XIAP: variants seen among roughly 807,000 people sequenced by gnomAD.
XIAP encodes the protein E3 ubiquitin-protein ligase XIAP.
In XIAP, 3 loss-of-function variants were observed where a neutral mutation model predicts 33.1. That is an observed-to-expected ratio of 0.09 (90% confidence interval 0.04 to 0.23). The LOEUF (loss-of-function observed/expected upper bound fraction) is 0.23, where lower values mean the gene tolerates loss of function less well. XIAP is among the 10% of genes least tolerant of loss of function. The pLI, the probability that XIAP is intolerant of heterozygous loss-of-function variation, is 1.00. For synonymous variants in XIAP, 98 were observed against 121.3 expected (o/e 0.81, Z 1.26); for missense variants, 264 against 363.0 (o/e 0.73, Z 2.22).
intron 5 of XIAP, among the ~76,000 whole-genome samples, chrX:123,898,455 G>A (rs925774703): frequency 1.9e-4 from 21 of 110,979 alleles, no homozygotes; most frequent in Non-Finnish European, 3.4e-4. Flanking sequence ...CTCCACCTCC[G>A]GGGGTCACGC....
At chrX:123,892,657 A>G (rs1433261709) in intron 4 of XIAP, 74 bp from the exon 5 acceptor site, 1 of 891,318 alleles carries the variant, frequency 1.1e-6, no homozygotes, top group Non-Finnish European at 1.6e-6. Flanking sequence ...TTTATGATTA[A>G]TTTCACTTTT....
At position 123,899,157 on chromosome X, in the gene XIAP, A is replaced by ATATATATGATTT. The variant is rs1556407708; in HGVS notation, c.1100-1329_1100-1328insGATTTTATATAT. On this transcript the variant is annotated intron_variant, in intron 5 of 6. Transcript: ENST00000371199. ...AAAAAAAAAAAAAATATATATATAT[A>ATATATATGATTT]TATATATATGATTTTATATATATAT... Among the ~76,000 whole-genome samples, 229 of 38,378 alleles carry ATATATATGATTT rather than the reference A, an allele frequency of 6.0e-3. 11 individuals are homozygous for ATATATATGATTT. The highest frequency in any genetic ancestry group is 0.015 in the Middle Eastern group (1 of 67). The allele number at this position is 38,378 out of a possible 115,157, so 33.3% of individuals were successfully genotyped here. A position where few individuals can be genotyped will look rare whatever the true frequency, so the allele number is the denominator to read the frequency against.
intron 5 of XIAP, among the ~76,000 whole-genome samples, chrX:123,893,373 A>T (rs1399009872): frequency 1.9e-5 from 2 of 106,629 alleles, no homozygotes; most frequent in African/African-American, 6.8e-5. Context: ...CAAAAAAAAA[A>T]TTAGCTGGAT....
In XIAP at chrX:123,863,698, G is replaced by A. The variant is rs1226396806; in HGVS notation, c.-33+3405G>A. The stretch of plus-strand genomic sequence containing the variant: ...TAATTTTGTATTTTCAGTGGAGACG[G>A]GGTTTCTCCATGTTGGTCAGGCTGG... On this transcript the variant is annotated intron_variant, in intron 1 of 6. Transcript: ENST00000371199. Among the ~76,000 whole-genome samples, 3 of 110,842 alleles carry A rather than the reference G, an allele frequency of 2.7e-5. No individual in the cohort carries two copies. In the Admixed American group the frequency reaches 2.9e-4, roughly 11 times the overall value.
chrX:123,866,553 T>C (rs932809759), intron 1 of XIAP, among the ~76,000 whole-genome samples: 4 of 93,793 alleles, frequency 4.3e-5, no homozygotes, highest in African/African-American at 1.2e-4. Context: ...TATATAATAA[T>C]GTATGATATA....
rs1286571828 is a variant in XIAP, at chrX:123,860,230, CG to C, written c.-93del. The stretch of plus-strand genomic sequence containing the variant: ...ATTGGGGCTCGGGCCGCGCCTCCTC[CG>C]GGACCCTCCCCTTGGACCGAGCCGA... On this transcript the variant is annotated 5_prime_UTR_variant, in exon 1 of 7. Coordinates refer to ENST00000371199, the MANE Select transcript of XIAP (RefSeq NM_001167.4). The C allele has an allele frequency of 1.5e-5, 5 of 328,772 alleles. No homozygotes were observed. The highest frequency in any genetic ancestry group is 2.9e-5 in the Non-Finnish European group (5 of 169,800). The allele number at this position is 328,772 out of a possible 1,213,427, so 27.1% of individuals were successfully genotyped here. A position where few individuals can be genotyped will look rare whatever the true frequency, so the allele number is the denominator to read the frequency against.
chrX:123,891,446 TAAATC>T, intron 4 of XIAP, 130 bp downstream of exon 4: 1 of 334,754 alleles, frequency 3.0e-6, no homozygotes, highest in South Asian at 7.9e-5. Context: ...TATAGTATTA[TAAATC>T]AATATATGTG....
At chrX:123,881,715 A>G (rs1404548698) in intron 1 of XIAP, among the ~76,000 whole-genome samples, 2 of 110,095 alleles carry the variant, frequency 1.8e-5, no homozygotes, top group Non-Finnish European at 3.8e-5. Flanking sequence ...CTTGAACTAC[A>G]CAAAATTGTG....
chrX:123,900,390 C>T lies in XIAP; in HGVS notation c.1100-103C>T, dbSNP rs895570911. ...TGGTTTGTTTTTATTCTTTCGCTTG[C>T]TCCTTAATTTTTTCATTTTAACTAT... On this transcript the variant is annotated intron_variant, in intron 5 of 6. Transcript: ENST00000371199. 4 of 734,951 alleles carry T rather than the reference C, an allele frequency of 5.4e-6. No homozygotes were observed. The African/African-American group carries it at 6.5e-5, about 12-fold the overall frequency. 60.6% of individuals were successfully genotyped at this position (734,951 alleles called of 1,213,427 possible). A position where few individuals can be genotyped will look rare whatever the true frequency, so the allele number is the denominator to read the frequency against.
At chrX:123,860,478 G>C in intron 1 of XIAP, 185 bp downstream of exon 1, 1 of 260,292 alleles carries the variant, frequency 3.8e-6, no homozygotes, top group Non-Finnish European at 7.3e-6. Context: ...GACTGCCGAC[G>C]GCAGGCGTGG....
chrX:123,899,761 A>T (rs1288936909), intron 5 of XIAP, among the ~76,000 whole-genome samples: 1 of 108,867 alleles, frequency 9.2e-6, no homozygotes, highest in Non-Finnish European at 1.9e-5. Flanking sequence ...AATATACCAC[A>T]ATTTATGTAT....
At chrX:123,890,729 G>T (rs2053400287) in intron 3 of XIAP, among the ~76,000 whole-genome samples, 2 of 108,667 alleles carry the variant, frequency 1.8e-5, no homozygotes, top group Non-Finnish European at 3.8e-5. Flanking sequence ...ATCACTTCAG[G>T]TGAGGAGTTT....
intron 1 of XIAP, among the ~76,000 whole-genome samples, chrX:123,862,189 C>T (rs1225618291): frequency 9.4e-6 from 1 of 106,694 alleles, no homozygotes; most frequent in African/African-American, 3.4e-5. Context: ...GCTACTCAGC[C>T]TCCCCAGTAG....
At chrX:123,891,603 G>A in intron 4 of XIAP, among the ~76,000 whole-genome samples, 1 of 110,824 alleles carries the variant, frequency 9.0e-6, no homozygotes. Context: ...GATTGCTTGA[G>A]CCCAGGAGTT....
chrX:123,910,991 T>C lies in XIAP; in HGVS notation c.*3810T>C, dbSNP rs1453159554. On this transcript the variant is annotated 3_prime_UTR_variant, in exon 7 of 7. Coordinates refer to ENST00000371199, the MANE Select transcript of XIAP (RefSeq NM_001167.4). Reference sequence around the variant, plus strand: ...ATCTGTGAAAGGAAAATAATACTTATCTTACAAGGTTGCAAGAGCTCAAGG... The same window carrying C: ...ATCTGTGAAAGGAAAATAATACTTACCTTACAAGGTTGCAAGAGCTCAAGG... 1 of 327,035 alleles carries C rather than the reference T, an allele frequency of 3.1e-6. No individual in the cohort carries two copies. Among genetic ancestry groups the C allele is most frequent in the East Asian group, 9.7e-5 (1 of 10,262 alleles). 27.0% of individuals were successfully genotyped at this position (327,035 alleles called of 1,213,427 possible). A position where few individuals can be genotyped will look rare whatever the true frequency, so the allele number is the denominator to read the frequency against.
chrX:123,866,117 T>A (rs1324968595), intron 1 of XIAP, among the ~76,000 whole-genome samples: 2 of 110,560 alleles, frequency 1.8e-5, no homozygotes, highest in African/African-American at 6.6e-5. Flanking sequence ...ATTTTTGTAT[T>A]TTTAGTAGAG....
chrX:123,911,078 C>G lies in XIAP; in HGVS notation c.*3897C>G, dbSNP rs949656138. 34 of 326,759 alleles carry G rather than the reference C, an allele frequency of 1.0e-4. No individual in the cohort carries two copies. The highest frequency in any genetic ancestry group is 7.2e-4 in the African/African-American group (27 of 37,446). 26.9% of individuals were successfully genotyped at this position (326,759 alleles called of 1,213,427 possible). A position where few individuals can be genotyped will look rare whatever the true frequency, so the allele number is the denominator to read the frequency against. On this transcript the variant is annotated 3_prime_UTR_variant, in exon 7 of 7. Transcript: ENST00000371199. Reference sequence around the variant, plus strand: ...CTCCCATCCTAATACCCTTTTACCTCTCTGTGGGTTTGTCTTGACCTGGAA... The same window carrying G: ...CTCCCATCCTAATACCCTTTTACCTGTCTGTGGGTTTGTCTTGACCTGGAA...
At chrX:123,866,410 A>T (rs917302188) in intron 1 of XIAP, among the ~76,000 whole-genome samples, 1 of 103,385 alleles carries the variant, frequency 9.7e-6, no homozygotes, top group Non-Finnish European at 1.9e-5. Context: ...ATGTGTTTCT[A>T]TATATATTAT....
intron 1 of XIAP, among the ~76,000 whole-genome samples, chrX:123,869,713 A>G (rs1279622437): frequency 8.9e-6 from 1 of 111,921 alleles, no homozygotes; most frequent in East Asian, 2.8e-4. Flanking sequence ...TATATTGGTC[A>G]TAATCACTGG....
Sources: allele counts gnomAD v4.1 joint callset (sites outside exome capture counted in the v4.1 genomes callset), GRCh38; gene constraint gnomAD v4.1.1; transcripts MANE v1.5; gene names NCBI Gene and HGNC (gene_info 2026-07-23, HGNC 2026-07-21).